The following AP5Z1 variants were observed in gnomAD, a reference collection of about 807,000 sequenced individuals.
AP5Z1 encodes the protein AP-5 complex subunit zeta-1.
AP5Z1 carries 106 observed loss-of-function variants against 83.0 expected under a neutral mutation model. The ratio of observed to expected loss-of-function variants is 1.28; its 90% CI spans 1.09 to 1.50. The LOEUF is 1.50. Ranked by LOEUF, AP5Z1 falls within the 40% of genes most tolerant of loss-of-function variation. AP5Z1 has a pLI of 0.00. For missense variants in AP5Z1, 1,565 were observed against 1,094.2 expected (o/e 1.43, Z -6.07); for synonymous variants, 751 against 514.1 (o/e 1.46, Z -6.23).
intron 3 of AP5Z1, among the ~76,000 whole-genome samples, chr7:4,782,344 C>A (rs746983387): frequency 1.3e-5 from 2 of 152,190 alleles, no homozygotes. Context: ...TCCTCCCTCC[C>A]TCTGTGTCGG....
In AP5Z1 at chr7:4,789,880, A is replaced by G. The variant is rs1037226222; in HGVS notation, c.1756A>G (p.Arg586Gly). Residue 586 changes from arginine to glycine, a missense_variant, in exon 14 of 17, where the codon AGG (arginine) becomes GGG (glycine). Transcript: ENST00000649063. ...CCAGCTGGCGCTGCTGCTCCTGGGC[A>G]GGAGCGACTCGCTCTACCCGGCCCC... ...INQLALLLLG[R>G]SDSLYPAPGY... 1.9e-6 allele frequency: 3 copies of G among 1,552,648 alleles called. No individual in the cohort carries two copies. Among genetic ancestry groups the G allele is most frequent in the Non-Finnish European group, 2.6e-6 (3 of 1,148,402 alleles).
In AP5Z1 at chr7:4,790,799, G is replaced by A. The variant is rs374815450; in HGVS notation, c.2065G>A (p.Ala689Thr). ...GGTCACCCAGTGCCGCCCCTCTGCT[G>A]CCCTGCCCAGGTGTCCCCCCCAGGT... ...FEVTQCRPSA[A>T]LPRCPPQVVT... is the part of the protein sequence containing the mutation. Residue 689 changes from alanine to threonine, a missense_variant, in exon 16 of 17, where the codon GCC becomes ACC. Physicochemically the swap from Ala to Thr is moderately conservative, Grantham distance 58 (BLOSUM62 0). Coordinates refer to ENST00000649063, the MANE Select transcript of AP5Z1 (RefSeq NM_014855.3). 6.2e-7 allele frequency: 1 copy of A among 1,609,196 alleles called. No homozygotes were observed. The highest frequency in any genetic ancestry group is 8.5e-7 in the Non-Finnish European group (1 of 1,178,858).
intron 5 of AP5Z1, among the ~76,000 whole-genome samples, chr7:4,784,001 C>T (rs925176319): frequency 6.6e-6 from 1 of 152,210 alleles, no homozygotes; most frequent in Non-Finnish European, 1.5e-5. Flanking sequence ...GGTTCAGTCC[C>T]AGGGCCTGCG....
Position 4,788,258 on chromosome 7 carries a change from A to C in AP5Z1, c.1559A>C (p.Tyr520Ser), listed in dbSNP as rs1583237380. Residue 520 changes from tyrosine to serine, a missense_variant, in exon 12 of 17, where the codon TAC becomes TCC. Tyr to Ser is a moderately radical substitution (Grantham distance 144, BLOSUM62 -2). Transcript: ENST00000649063. ...RDPQFQGLFQ[Y>S]LLRPKASGAT... is the part of the protein sequence containing the mutation. ...CCGCAGTTCCAGGGTCTTTTCCAAT[A>C]CCTGCTGCGCCCCAAGGCCAGTGGC... The C allele has an allele frequency of 1.3e-6, 2 of 1,588,552 alleles. No homozygotes were observed. Among genetic ancestry groups the C allele is most frequent in the Non-Finnish European group, 1.7e-6 (2 of 1,169,110 alleles).
rs73305386 is a variant in AP5Z1, at chr7:4,788,065, A to C, written c.1455-89A>C. 11,744 of 1,438,886 alleles carry C rather than the reference A, an allele frequency of 8.2e-3. 800 individuals are homozygous for C. In the African/African-American group the frequency reaches 0.15, roughly 18 times the overall value. The allele number at this position is 1,438,886 out of a possible 1,614,324, so 89.1% of individuals were successfully genotyped here. The stretch of plus-strand genomic sequence containing the variant: ...CTGGCACCCGAGGTGCTGTGATATT[A>C]GGGACACCTGCCGTGTGTCTCCCTG... On this transcript the variant is annotated intron_variant, in intron 11 of 16. Transcript: ENST00000649063.
At chr7:4,790,163 A>G in intron 14 of AP5Z1, 2 of 1,519,130 alleles carry the variant, frequency 1.3e-6, no homozygotes, top group South Asian at 2.4e-5. Flanking sequence ...CTTCAGGGTT[A>G]GCTCAGGTCC....
intron 5 of AP5Z1, 106 bp from the exon 6 acceptor site, chr7:4,784,097 C>T: frequency 2.2e-6 from 3 of 1,354,644 alleles, no homozygotes; most frequent in South Asian, 1.4e-5. Context: ...TGCCCGGGCT[C>T]ATGTTCAGGC....
chr7:4,789,499 G>C (rs1196672583), intron 13 of AP5Z1, among the ~76,000 whole-genome samples: 1 of 152,252 alleles, frequency 6.6e-6, no homozygotes, highest in Non-Finnish European at 1.5e-5. Flanking sequence ...GGAGAGCCTG[G>C]GAGGTGGGGA....
At position 4,775,665 on chromosome 7, in the gene AP5Z1, T is replaced by G; in HGVS notation, c.-51T>G. On this transcript the variant is annotated 5_prime_UTR_variant, in exon 1 of 17. Coordinates refer to ENST00000649063, the MANE Select transcript of AP5Z1 (RefSeq NM_014855.3). ...TGACCGGGGTGCGGAGCTCCTGGGC[T>G]GCAGCTCCTGGAGTTTCCGAGGTTC... 1 of 1,603,610 alleles carries G rather than the reference T, an allele frequency of 6.2e-7. No homozygotes were observed. The highest frequency in any genetic ancestry group is 8.5e-7 in the Non-Finnish European group (1 of 1,178,998).
chr7:4,790,548 G>A lies in AP5Z1; in HGVS notation c.1895G>A (p.Ser632Asn), dbSNP rs765929934. 2 of 1,613,154 alleles carry A rather than the reference G, an allele frequency of 1.2e-6. No individual in the cohort carries two copies. The highest frequency in any genetic ancestry group is 1.1e-5 in the South Asian group (1 of 91,090). ...LARDLLEFLGSVNGLCSRASL... is the reference protein window; with the variant it reads ...LARDLLEFLGNVNGLCSRASL... ...AGAGACCTGCTGGAGTTCCTGGGCA[G>A]CGTGAATGGTCTCTGCAGCAGGGCG... Residue 632 changes from serine to asparagine, a missense_variant, in exon 15 of 17, where the codon AGC becomes AAC. By Grantham distance (46) the Ser-to-Asn change is conservative (BLOSUM62 1). Coordinates refer to ENST00000649063, the MANE Select transcript of AP5Z1 (RefSeq NM_014855.3).
At chr7:4,785,193 C>A (rs935430938) in intron 7 of AP5Z1, 145 bp downstream of exon 7, 3 of 1,374,634 alleles carry the variant, frequency 2.2e-6, no homozygotes. Context: ...GGCATTTTTG[C>A]TTCTGGGGTC....
chr7:4,785,040 G>A lies in AP5Z1; in HGVS notation c.923G>A (p.Ser308Asn), dbSNP rs1035120004. The change falls in exon 7 of 17, where the codon AGT becomes AAT. Residue 308 changes from serine to asparagine, a missense_variant. Coordinates refer to ENST00000649063, the MANE Select transcript of AP5Z1 (RefSeq NM_014855.3). ...FEYCQRLIEQSNRRALRKGDS... is the reference protein window; with the variant it reads ...FEYCQRLIEQNNRRALRKGDS... ...TACTGCCAGCGCCTCATTGAGCAAA[G>A]TAACCGACGTGAGTCCCCCACCCAG... is the stretch of plus-strand genomic sequence containing the variant. 6.3e-7 allele frequency: 1 copy of A among 1,599,988 alleles called. No individual in the cohort carries two copies. The highest frequency in any genetic ancestry group is 8.5e-7 in the Non-Finnish European group (1 of 1,170,766).
Position 4,781,101 on chromosome 7 carries a change from G to T in AP5Z1, c.42-74G>T, listed in dbSNP as rs1420174648. 1.9e-6 allele frequency: 3 copies of T among 1,556,816 alleles called. No homozygotes were observed. In the South Asian group the frequency reaches 3.6e-5, roughly 19 times the overall value. ...TCTTTTCTAAAGAGGGATTTTCCCT[G>T]CTCCAAGGGTTATCCTTTTTTTGGT... On this transcript the variant is annotated intron_variant, in intron 1 of 16. Transcript: ENST00000649063.
rs911031942 is a variant in AP5Z1, at chr7:4,792,599, C to G, written c.*1214C>G. 2 of 152,368 alleles carry G rather than the reference C, an allele frequency of 1.3e-5. No individual in the cohort carries two copies. The highest frequency in any genetic ancestry group is 6.5e-5 in the Admixed American group (1 of 15,302). The allele number at this position is 152,368 out of a possible 1,614,324, so 9.4% of individuals were successfully genotyped here. ...TTCCAGCCCAGGAAGCGCTCGCCTG[C>G]CCCACAGCCTGGGCCTTGGGTCGCG... is the stretch of plus-strand genomic sequence containing the variant. On this transcript the variant is annotated 3_prime_UTR_variant, in exon 17 of 17. Coordinates refer to ENST00000649063, the MANE Select transcript of AP5Z1 (RefSeq NM_014855.3).
chr7:4,778,980 G>A (rs1282574787), intron 1 of AP5Z1, among the ~76,000 whole-genome samples: 2 of 146,472 alleles, frequency 1.4e-5, no homozygotes, highest in Non-Finnish European at 3.0e-5. Context: ...GCAGTGAGCT[G>A]AGATTATGCC....
chr7:4,787,561 C>G (rs1781588008), intron 10 of AP5Z1, 73 bp from the exon 11 acceptor site: 4 of 1,509,040 alleles, frequency 2.7e-6, no homozygotes, highest in South Asian at 2.5e-5. Flanking sequence ...CTGTGGGGCC[C>G]TAGCTGGCTC....
Position 4,784,976 on chromosome 7 carries a change from C to T in AP5Z1, c.859C>T (p.Leu287=). ...ISATSSAGRL[L]PPRERLREVA... is the part of the protein sequence containing the mutation. ...CGCCACCTCCTCTGCCGGCCGCCTGCTGCCGCCCCGGGAGCGGCTTCGGGA... is the reference window on the plus strand; with the variant it reads ...CGCCACCTCCTCTGCCGGCCGCCTGTTGCCGCCCCGGGAGCGGCTTCGGGA... The change falls in exon 7 of 17, where the codon CTG becomes TTG. Residue 287 remains leucine (L), a synonymous_variant. Coordinates refer to ENST00000649063, the MANE Select transcript of AP5Z1 (RefSeq NM_014855.3). The T allele has an allele frequency of 1.2e-6, 2 of 1,612,272 alleles. No homozygotes were observed. The highest frequency in any genetic ancestry group is 2.2e-5 in the South Asian group (2 of 91,038).
At chr7:4,783,554 T>A in intron 4 of AP5Z1, 94 bp downstream of exon 4, 1 of 1,320,300 alleles carries the variant, frequency 7.6e-7, no homozygotes, top group Middle Eastern at 2.2e-4. Context: ...GGGGGGCAGG[T>A]GGGGGACACG....
chr7:4,787,152 T>C (rs937575026), intron 10 of AP5Z1, among the ~76,000 whole-genome samples: 3 of 152,082 alleles, frequency 2.0e-5, no homozygotes, highest in Admixed American at 1.3e-4. Context: ...GAATCCTCTT[T>C]CTGGAGAAAA....
Sources: allele counts gnomAD v4.1 joint callset (sites outside exome capture counted in the v4.1 genomes callset), GRCh38; gene constraint gnomAD v4.1.1; transcripts MANE v1.5; gene names NCBI Gene and HGNC (gene_info 2026-07-23, HGNC 2026-07-21).